The following COPA variants were observed in gnomAD, a reference collection of about 807,000 sequenced individuals.
COPA encodes coat protein complex I subunit alpha.
In COPA, 10 loss-of-function variants were observed where a neutral mutation model predicts 158.7. The ratio of observed to expected loss-of-function variants is 0.06; its 90% CI spans 0.04 to 0.11. COPA has a LOEUF of 0.11. Ranked by LOEUF, COPA falls within the 10% of genes least tolerant of loss-of-function variation. The pLI is 1.00. For missense variants in COPA, 1,065 were observed against 1,536.7 expected (o/e 0.69, Z 5.13); for synonymous variants, 462 against 542.8 (o/e 0.85, Z 2.07).
Position 160,289,914 on chromosome 1 carries a change from A to G in COPA, c.*243T>C. ...CCCAGAGTTTTCATTTGTTCCTTAA[A>G]ATAATTAAGCTGGAAAGGCAAGGAC... On this transcript the variant is annotated 3_prime_UTR_variant, in exon 33 of 33. Transcript: ENST00000241704. The G allele has an allele frequency of 2.3e-6, 1 of 443,618 alleles. No individual in the cohort carries two copies. Among genetic ancestry groups the G allele is most frequent in the Non-Finnish European group, 4.0e-6 (1 of 248,496 alleles). 27.5% of individuals were successfully genotyped at this position (443,618 alleles called of 1,614,324 possible).
intron 17 of COPA, chr1:160,305,152 G>C (rs1658743257): frequency 3.8e-6 from 1 of 262,920 alleles, no homozygotes. Context: ...TGGGGTGCCG[G>C]AACTGTTCTA....
rs1571147645 is a variant in COPA, at chr1:160,292,003, C to A, written c.3147+9G>T. 2 of 1,614,114 alleles carry A rather than the reference C, an allele frequency of 1.2e-6. No homozygotes were observed. The highest frequency in any genetic ancestry group is 8.5e-7 in the Non-Finnish European group (1 of 1,179,992). ...GCCCAGAACTGGGACAGCGGCTAGA[C>A]CCTCCTACCTCTGCAATCTCTTGTT... On this transcript the variant is annotated intron_variant, in intron 29 of 32. Coordinates refer to ENST00000241704, the MANE Select transcript of COPA (RefSeq NM_004371.4).
chr1:160,318,468 TAAAAAAAAAAAA>T (rs71090307), intron 8 of COPA, among the ~76,000 whole-genome samples: 1 of 15,670 alleles, frequency 6.4e-5, no homozygotes, highest in Non-Finnish European at 1.3e-4. Context: ...ACAATATTTG[TAAAAAAAAAAAA>T]AAAAAAAAAA....
At chr1:160,310,300 A>T (rs1358844450) in intron 11 of COPA, 42 bp from the exon 12 acceptor site, 1 of 1,319,032 alleles carries the variant, frequency 7.6e-7, no homozygotes. Context: ...GGGAAGAGGC[A>T]TAAGAATAGA....
chr1:160,339,744 C>A, intron 3 of COPA, 165 bp downstream of exon 3: 1 of 595,390 alleles, frequency 1.7e-6, no homozygotes. Flanking sequence ...GTCTGGTACA[C>A]AGTAAGCATT....
chr1:160,335,380 AGAGAAATTG>A, intron 3 of COPA, 58 bp from the exon 4 acceptor site: 8 of 1,366,328 alleles, frequency 5.9e-6, no homozygotes, highest in Non-Finnish European at 8.1e-6. Context: ...TAAAAGGCTC[AGAGAAATTG>A]ATATCTTTAC....
chr1:160,339,236 A>C (rs1216645313), intron 3 of COPA, among the ~76,000 whole-genome samples: 2 of 144,984 alleles, frequency 1.4e-5, no homozygotes, highest in African/African-American at 2.7e-5. Context: ...CCTTCTCTCC[A>C]TTTCAAATGC....
At chr1:160,307,283 G>C in intron 13 of COPA, 38 bp from the exon 14 acceptor site, 1 of 1,594,934 alleles carries the variant, frequency 6.3e-7, no homozygotes, top group Non-Finnish European at 8.6e-7. Context: ...AGCATGTGGT[G>C]AGTCACTGGC....
At chr1:160,335,776 G>A (rs1331505033) in intron 3 of COPA, among the ~76,000 whole-genome samples, 3 of 151,184 alleles carry the variant, frequency 2.0e-5, no homozygotes, top group Non-Finnish European at 2.9e-5. Context: ...CCAGCTACTC[G>A]GGAGGCTGAG....
chr1:160,304,875 TA>T (rs1187585326), intron 17 of COPA, among the ~76,000 whole-genome samples: 4 of 152,180 alleles, frequency 2.6e-5, no homozygotes, highest in Non-Finnish European at 5.9e-5. Flanking sequence ...AACTGTGGCA[TA>T]ATCATATAAT....
intron 1 of COPA, among the ~76,000 whole-genome samples, chr1:160,341,826 TTATGATA>T (rs1648078586): frequency 6.6e-6 from 1 of 152,218 alleles, no homozygotes; most frequent in South Asian, 2.1e-4. Context: ...TTTTTTTTAA[TTATGATA>T]TATAAGTACA....
At chr1:160,303,472 G>T (rs1658682915) in intron 17 of COPA, among the ~76,000 whole-genome samples, 1 of 152,152 alleles carries the variant, frequency 6.6e-6, no homozygotes, top group African/African-American at 2.4e-5. Flanking sequence ...CTGGGCAATT[G>T]AGTGTCCTTA....
At chr1:160,330,215 C>T (rs1009214740) in intron 6 of COPA, among the ~76,000 whole-genome samples, 13 of 151,944 alleles carry the variant, frequency 8.6e-5, no homozygotes, top group African/African-American at 3.1e-4. Context: ...AGAGAGAGTG[C>T]TTTGAATGTG....
Position 160,291,997 on chromosome 1 carries a change from G to A in COPA, c.3147+15C>T, listed in dbSNP as rs757476432. 2 of 1,614,126 alleles carry A rather than the reference G, an allele frequency of 1.2e-6. No individual in the cohort carries two copies. The highest frequency in any genetic ancestry group is 1.1e-5 in the South Asian group (1 of 91,078). On this transcript the variant is annotated intron_variant, in intron 29 of 32. Transcript: ENST00000241704. ...GGAAGTGCCCAGAACTGGGACAGCGGCTAGACCCTCCTACCTCTGCAATCT... is the reference window on the plus strand; with the variant it reads ...GGAAGTGCCCAGAACTGGGACAGCGACTAGACCCTCCTACCTCTGCAATCT...
At chr1:160,324,840 G>C (rs1648956805) in intron 7 of COPA, among the ~76,000 whole-genome samples, 1 of 152,134 alleles carries the variant, frequency 6.6e-6, no homozygotes, top group Non-Finnish European at 1.5e-5. Flanking sequence ...AAAAGTTTAA[G>C]AACTGCTGAT....
Position 160,303,891 on chromosome 1 carries a change from G to A in COPA, c.1667+1542C>T, listed in dbSNP as rs568978719. Among the ~76,000 whole-genome samples the A allele has an allele frequency of 1.1e-3, 172 of 152,266 alleles. 1 individual carries two copies. The highest frequency in any genetic ancestry group is 3.8e-3 in the African/African-American group (160 of 41,560). On this transcript the variant is annotated intron_variant, in intron 17 of 32. Transcript: ENST00000241704. Reference sequence around the variant, plus strand: ...ATCCTACTGGATGGCCAGATGAAAAGGTGCTCAATCTCATTAGGAAACAGA... The same window carrying A: ...ATCCTACTGGATGGCCAGATGAAAAAGTGCTCAATCTCATTAGGAAACAGA...
chr1:160,302,556 T>G (rs1658646340), intron 17 of COPA, among the ~76,000 whole-genome samples: 1 of 143,534 alleles, frequency 7.0e-6, no homozygotes, highest in Non-Finnish European at 1.5e-5. Context: ...TTACTTTTTT[T>G]TTTTTTTTTT....
At chr1:160,296,199 T>G in intron 21 of COPA, 50 bp from the exon 22 acceptor site, 2 of 1,523,842 alleles carry the variant, frequency 1.3e-6, no homozygotes, top group Non-Finnish European at 1.8e-6. Context: ...AAATGCATGC[T>G]GCTGTGGTAA....
chr1:160,304,574 G>A (rs375909146), intron 17 of COPA, among the ~76,000 whole-genome samples: 3 of 152,136 alleles, frequency 2.0e-5, no homozygotes, highest in African/African-American at 7.2e-5. Flanking sequence ...TGAGGCAGGA[G>A]AATCACTTGA....
Sources: gnomAD v4.1 joint callset for allele counts (sites outside exome capture counted in the v4.1 genomes callset) on GRCh38, gnomAD v4.1.1 for gene constraint, MANE v1.5 for transcripts, NCBI Gene and HGNC (gene_info 2026-07-23, HGNC 2026-07-21) for gene names.